Variants in HIPK3 observed in about 807,000 individuals in gnomAD.
HIPK3 encodes the protein homeodomain-interacting protein kinase 3.
Under a neutral mutation model 124.2 loss-of-function variants are expected in HIPK3, and 47 were observed. The ratio of observed to expected loss-of-function variants is 0.38; its 90% confidence interval spans 0.30 to 0.48. HIPK3 has a LOEUF of 0.48. Among genes scored for constraint, HIPK3 ranks in the 20% least tolerant of loss-of-function variants. The pLI is 0.98. For synonymous variants in HIPK3, 482 were observed against 515.2 expected, an observed-to-expected ratio of 0.94 and a Z score of 0.87; for missense variants, 1,286 against 1,454.3, an observed-to-expected ratio of 0.88 and a Z score of 1.88.
At chr11:33,337,726 C>T (rs1462758227) in intron 4 of HIPK3, among the ~76,000 whole-genome samples, 5 of 149,846 alleles carry the variant, frequency 3.3e-5, no homozygotes, top group African/African-American at 7.4e-5. Flanking sequence ...CAGGCTGGAG[C>T]GCAGTGGTGT....
intron 1 of HIPK3, among the ~76,000 whole-genome samples, chr11:33,281,261 C>T (rs1215935106): frequency 6.6e-6 from 1 of 151,712 alleles, no homozygotes; most frequent in Non-Finnish European, 1.5e-5. Context: ...CAAGTGTGAG[C>T]CACTATGCTT....
intron 1 of HIPK3, among the ~76,000 whole-genome samples, chr11:33,261,196 AATAT>A (rs907378505): frequency 4.1e-5 from 6 of 147,366 alleles, no homozygotes; most frequent in African/African-American, 7.4e-5. Context: ...ATTATATATA[AATAT>A]ATATGTATTT....
rs373718441 is a variant in HIPK3 at position 33,279,363 on chromosome 11, C to A, written c.-2-7050C>A. The stretch of plus-strand genomic sequence containing the variant: ...AAAAAAAAAAAGAGAAGAAGAAGAA[C>A]CCTATTACATATGTAGTGTATGTAA... On this transcript the variant is annotated intron_variant, in intron 1 of 16. Coordinates refer to ENST00000303296, the MANE Select transcript of HIPK3 (RefSeq NM_005734.5). 7.5e-4 allele frequency among the ~76,000 whole-genome samples: 112 copies of A among 148,350 alleles called. 2 individuals carry two copies. The Middle Eastern group carries it at 0.015, about 19-fold the overall frequency.
chr11:33,316,310 A>G (rs1487806312), intron 2 of HIPK3, among the ~76,000 whole-genome samples: 1 of 152,226 alleles, frequency 6.6e-6, no homozygotes. Flanking sequence ...TCCTTCTGTT[A>G]AAGTTCCACT....
chr11:33,260,312 C>T (rs1311237658), intron 1 of HIPK3, among the ~76,000 whole-genome samples: 2 of 152,172 alleles, frequency 1.3e-5, no homozygotes, highest in African/African-American at 4.8e-5. Flanking sequence ...CTTAAAAAAG[C>T]AGCAGCTATC....
chr11:33,257,688 G>GCC lies in HIPK3; in HGVS notation c.-204_-203insCC. 2.0e-6 allele frequency: 2 copies of GCC among 992,962 alleles called. No individual in the cohort carries two copies. The highest frequency in any genetic ancestry group is 8.9e-5 in the South Asian group (2 of 22,352). The allele number at this position is 992,962 out of a possible 1,614,324, so 61.5% of individuals were successfully genotyped here. On this transcript the variant is annotated 5_prime_UTR_variant, in exon 1 of 17. An upstream open reading frame in the 5' UTR loses its in-frame stop. Transcript: ENST00000303296. ...CCAGAGCAGCAGCAGCAGCAGCAGC[G>GCC]GTCGGGGGAGGGTGTTTCGCCGTTT...
chr11:33,286,681 A>C lies in HIPK3; in HGVS notation c.267A>C (p.Ala89=), dbSNP rs1851563497. The C allele has an allele frequency of 6.2e-7, 1 of 1,614,052 alleles. No homozygotes were observed. The highest frequency in any genetic ancestry group is 2.2e-5 in the East Asian group (1 of 44,900). ...GTGCTGTTGTTTTGAAAAACACTGC[A>C]GGTGCTACAAAGGTCATAGCAGCTC... is the stretch of plus-strand genomic sequence containing the variant. ...QTSAVVLKNT[A]GATKVIAAQA... The change falls in exon 2 of 17, where the codon GCA becomes GCC. Residue 89 remains alanine (A), a synonymous_variant. Coordinates refer to ENST00000303296, the MANE Select transcript of HIPK3 (RefSeq NM_005734.5).
intron 2 of HIPK3, among the ~76,000 whole-genome samples, chr11:33,311,360 A>G (rs1394061653): frequency 6.6e-6 from 1 of 151,878 alleles, no homozygotes; most frequent in Non-Finnish European, 1.5e-5. Flanking sequence ...TCATTTTTTC[A>G]TTTTGTGTAG....
At chr11:33,308,624 G>GTGT (rs1319637480) in intron 2 of HIPK3, among the ~76,000 whole-genome samples, 1 of 151,580 alleles carries the variant, frequency 6.6e-6, no homozygotes, top group Non-Finnish European at 1.5e-5. Context: ...GTGTGTGTGT[G>GTGT]TGTGTGTGTG....
At position 33,286,859 on chromosome 11, in the gene HIPK3, A is replaced by G. The variant is rs771603026; in HGVS notation, c.445A>G (p.Ile149Val). The change falls in exon 2 of 17, where the codon ATA becomes GTA. Residue 149 changes from isoleucine (I) to valine (V), a missense_variant. Physicochemically the swap from Ile to Val is conservative, Grantham distance 29. This residue lies in a region of HIPK3 where 225 missense variants were observed against 240.3 expected (regional missense o/e 0.94). Transcript: ENST00000303296. ...SAMQIVDELSILPAMLQTNMG... is the reference protein window; with the variant it reads ...SAMQIVDELSVLPAMLQTNMG... ...AATGCAGATTGTCGATGAATTGTCC[A>G]TACTTCCTGCAATGTTGCAAACCAA... 16 of 1,614,084 alleles carry G rather than the reference A, an allele frequency of 9.9e-6. No homozygotes were observed. In the South Asian group the frequency reaches 1.2e-4, roughly 12 times the overall value.
In HIPK3 at chr11:33,291,337, A is replaced by C. The variant is rs577076648; in HGVS notation, c.1097+3826A>C. Among the ~76,000 whole-genome samples, 5 of 152,354 alleles carry C rather than the reference A, an allele frequency of 3.3e-5. No individual in the cohort carries two copies. The South Asian group carries it at 1.0e-3, about 32-fold the overall frequency. ...GAAAGCAGGAAGTGGAAACTAACCA[A>C]ATTAAATATTTTTGAGCAAAGCACA... On this transcript the variant is annotated intron_variant, in intron 2 of 16. Coordinates refer to ENST00000303296, the MANE Select transcript of HIPK3 (RefSeq NM_005734.5).
rs535672756 is a variant in HIPK3 at position 33,351,662 on chromosome 11, A to C, written c.2862A>C (p.Thr954=). The C allele has an allele frequency of 6.2e-7, 1 of 1,614,238 alleles. No homozygotes were observed. Among genetic ancestry groups the C allele is most frequent in the South Asian group, 1.1e-5 (1 of 91,086 alleles). The stretch of plus-strand genomic sequence containing the variant: ...GTGATACGGTGGATGGCTCTCCGAC[A>C]TCTGACTCTTCCGGGCATGACAGTC... ...SSCDTVDGSP[T]SDSSGHDSPF... Residue 954 remains threonine (T), a synonymous_variant, in exon 15 of 17, where the codon ACA becomes ACC. Coordinates refer to ENST00000303296, the MANE Select transcript of HIPK3 (RefSeq NM_005734.5).
intron 1 of HIPK3, among the ~76,000 whole-genome samples, chr11:33,269,640 A>G (rs1003162387): frequency 1.3e-5 from 2 of 152,024 alleles, no homozygotes; most frequent in African/African-American, 4.8e-5. Flanking sequence ...TGTTTCTTCT[A>G]AACTTCTTAA....
intron 1 of HIPK3, among the ~76,000 whole-genome samples, chr11:33,273,088 C>A (rs993810650): frequency 7.2e-5 from 11 of 151,784 alleles, no homozygotes; most frequent in African/African-American, 2.4e-4. Flanking sequence ...CCTGCCTACG[C>A]CTCCCTATTG....
At chr11:33,322,478 C>G (rs1343608933) in intron 2 of HIPK3, among the ~76,000 whole-genome samples, 1 of 152,112 alleles carries the variant, frequency 6.6e-6, no homozygotes, top group Non-Finnish European at 1.5e-5. Context: ...AAGATTAGCT[C>G]AATCATAAAG....
chr11:33,320,979 G>T (rs1195901656), intron 2 of HIPK3, among the ~76,000 whole-genome samples: 1 of 152,076 alleles, frequency 6.6e-6, no homozygotes, highest in African/African-American at 2.4e-5. Context: ...GACAGGATGA[G>T]ATCATGTAAG....
chr11:33,304,949 A>G (rs1166663269), intron 2 of HIPK3, among the ~76,000 whole-genome samples: 2 of 152,214 alleles, frequency 1.3e-5, no homozygotes, highest in African/African-American at 4.8e-5. Flanking sequence ...CATGACAAGG[A>G]TATTTCTGGT....
chr11:33,335,093 A>G (rs956582751), intron 3 of HIPK3, among the ~76,000 whole-genome samples: 7 of 152,204 alleles, frequency 4.6e-5, no homozygotes, highest in East Asian at 1.9e-4. Context: ...TGGTGTTGCT[A>G]TTAACCATAG....
chr11:33,285,867 G>A (rs188194984), intron 1 of HIPK3, among the ~76,000 whole-genome samples: 132 of 152,046 alleles, frequency 8.7e-4, no homozygotes, highest in African/African-American at 3.1e-3. Flanking sequence ...CACCTCCCAG[G>A]TTCAAGCGAT....
Sources: gnomAD v4.1 joint callset for allele counts (sites outside exome capture counted in the v4.1 genomes callset) on GRCh38, gnomAD v4.1.1 for gene constraint, gnomAD v4.1.1 regional missense constraint, MANE v1.5 for transcripts, NCBI Gene and HGNC (gene_info 2026-07-23, HGNC 2026-07-21) for gene names.